JAKMIP1: variants seen among roughly 807,000 people sequenced by gnomAD.
The protein encoded by JAKMIP1 is janus kinase and microtubule-interacting protein 1.
In JAKMIP1, 33 loss-of-function variants were observed where a neutral mutation model predicts 113.0. That is an observed-to-expected ratio of 0.29 (90% confidence interval 0.22 to 0.39). The LOEUF is 0.39. Among genes scored for constraint, JAKMIP1 ranks in the 10% least tolerant of loss-of-function variants. JAKMIP1 has a pLI of 1.00. For missense variants in JAKMIP1, 813 were observed against 1,080.5 expected (o/e 0.75, Z 3.47); for synonymous variants, 480 against 459.9 (o/e 1.04, Z -0.56).
rs1297834584 is a variant in JAKMIP1, at chr4:6,036,862, T to C, written c.2176-755A>G. 5.3e-5 allele frequency among the ~76,000 whole-genome samples: 8 copies of C among 152,218 alleles called. No homozygotes were observed. The East Asian group carries it at 1.3e-3, about 26-fold the overall frequency. On this transcript the variant is annotated intron_variant, in intron 18 of 20. Transcript: ENST00000409021. ...TCTCCCAAAGAAACTACAGGTGGTA[T>C]AGAGAAACCATGAGTTTCAATAGAA...
chr4:6,052,201 A>G (rs973105243), intron 13 of JAKMIP1, among the ~76,000 whole-genome samples: 1 of 137,518 alleles, frequency 7.3e-6, no homozygotes, highest in Non-Finnish European at 1.5e-5. Flanking sequence ...CTTATTAGCC[A>G]AAATTTAAAA....
chr4:6,099,350 T>C (rs1712617734), intron 3 of JAKMIP1, among the ~76,000 whole-genome samples: 1 of 152,242 alleles, frequency 6.6e-6, no homozygotes, highest in South Asian at 2.1e-4. Context: ...TCTCATTTTA[T>C]TTCCCCATTT....
rs1553821445 is a variant in JAKMIP1, at chr4:6,081,014, C to CA, written c.1101+594_1101+595insT. Among the ~76,000 whole-genome samples the CA allele has an allele frequency of 3.9e-3, 595 of 151,348 alleles. 6 individuals are homozygous for CA. The highest frequency in any genetic ancestry group is 0.014 in the African/African-American group (581 of 41,266). ...ACACACACACACACACACACACACA[C>CA]CTGCATCTGCTACAGTGCAGACAGC... On this transcript the variant is annotated intron_variant, in intron 6 of 20. Coordinates refer to ENST00000409021, the MANE Select transcript of JAKMIP1 (RefSeq NM_001099433.2). The surrounding 1 kb of genome is among the most constrained non-coding windows in gnomAD (Gnocchi z 4.6).
intron 2 of JAKMIP1, among the ~76,000 whole-genome samples, chr4:6,109,931 C>G (rs1033658816): frequency 2.6e-5 from 4 of 152,082 alleles, no homozygotes; most frequent in African/African-American, 9.7e-5. Context: ...CAACCTGAAG[C>G]GGCCACATGG....
In JAKMIP1 at chr4:6,090,106, C is replaced by A. The variant is rs145537153; in HGVS notation, c.625-4477G>T. Among the ~76,000 whole-genome samples the A allele has an allele frequency of 8.0e-3, 1,211 of 152,118 alleles. 14 individuals are homozygous for A. The highest frequency in any genetic ancestry group is 0.028 in the African/African-American group (1,165 of 41,486). On this transcript the variant is annotated intron_variant, in intron 3 of 20. Coordinates refer to ENST00000409021, the MANE Select transcript of JAKMIP1 (RefSeq NM_001099433.2). ...GTGAGGTGGTGCATGCCTGTAATCC[C>A]AGCTATTAGGGAGGCTGAGGCAGGA... is the stretch of plus-strand genomic sequence containing the variant.
At chr4:6,148,525 C>T (rs746612609) in intron 1 of JAKMIP1, among the ~76,000 whole-genome samples, 5 of 152,254 alleles carry the variant, frequency 3.3e-5, no homozygotes, top group African/African-American at 9.6e-5. Flanking sequence ...CTGCGCCGGG[C>T]GCATCCTCCT....
Position 6,112,843 on chromosome 4 carries a change from T to C in JAKMIP1, c.8A>G (p.Lys3Arg). The C allele has an allele frequency of 6.2e-7, 1 of 1,613,824 alleles. No individual in the cohort carries two copies. Among genetic ancestry groups the C allele is most frequent in the East Asian group, 2.2e-5 (1 of 44,872 alleles). Residue 3 changes from lysine to arginine, a missense_variant, in exon 2 of 21, where the codon AAG (lysine) becomes AGG (arginine). Transcript: ENST00000409021. MS[K>R]KGRSKGEKPE... ...CTTCTCGCCCTTGCTCCGGCCTTTC[T>C]TCGACATGCTTCCCCTTGGGTCAGA...
At chr4:6,159,289 TA>T (rs35263959) in intron 1 of JAKMIP1, among the ~76,000 whole-genome samples, 21 of 149,632 alleles carry the variant, frequency 1.4e-4, no homozygotes, top group African/African-American at 3.9e-4. Context: ...ACAAATCTGC[TA>T]AAAAAAAAAT....
intron 8 of JAKMIP1, among the ~76,000 whole-genome samples, chr4:6,066,161 C>A (rs1436043274): frequency 2.0e-5 from 3 of 152,176 alleles, no homozygotes; most frequent in African/African-American, 4.8e-5. Flanking sequence ...CCCCAACCCA[C>A]AGAGAAAACC....
At position 6,159,088 on chromosome 4, in the gene JAKMIP1, CAA is replaced by C. The variant is rs111279741; in HGVS notation, c.-148+41163_-148+41164del. Among the ~76,000 whole-genome samples the C allele has an allele frequency of 6.0e-3, 862 of 143,594 alleles. 9 individuals are homozygous for C. Among genetic ancestry groups the C allele is most frequent in the African/African-American group, 0.02 (798 of 39,302 alleles). The allele number at this position is 143,594 out of a possible 152,430, so 94.2% of individuals were successfully genotyped here. On this transcript the variant is annotated intron_variant, in intron 1 of 20. Coordinates refer to ENST00000409021, the MANE Select transcript of JAKMIP1 (RefSeq NM_001099433.2). ...TGGGTGACAGAGCAAGATCCTGTCTCAAAAAAAAAAAAAATTAATAAAAAACC... is the reference window on the plus strand; with the variant it reads ...TGGGTGACAGAGCAAGATCCTGTCTCAAAAAAAAAAAATTAATAAAAAACC...
chr4:6,158,189 T>G lies in JAKMIP1; in HGVS notation c.-148+42064A>C, dbSNP rs553385443. ...TCACAGTGTGGAGGGCAGACCATGC[T>G]GTAGGTCATGCAGTGCACGCTCCAT... On this transcript the variant is annotated intron_variant, in intron 1 of 20. Transcript: ENST00000409021. This position sits in a 1 kb window ranked among gnomAD's most constrained non-coding sequence, Gnocchi z 5.3. 6.1e-5 allele frequency among the ~76,000 whole-genome samples: 9 copies of G among 148,654 alleles called. 1 individual carries two copies. In the South Asian group the frequency reaches 1.9e-3, roughly 31 times the overall value.
intron 1 of JAKMIP1, among the ~76,000 whole-genome samples, chr4:6,121,069 G>A (rs546603220): frequency 3.3e-5 from 5 of 152,102 alleles, no homozygotes; most frequent in Admixed American, 2.6e-4. Flanking sequence ...GCAAGGTGGT[G>A]CGCACCTATA....
At chr4:6,048,237 A>T (rs575898670) in intron 16 of JAKMIP1, among the ~76,000 whole-genome samples, 5 of 152,364 alleles carry the variant, frequency 3.3e-5, no homozygotes, top group Admixed American at 6.5e-5. Context: ...GTAGGAGGGT[A>T]TCTGGTGCCG....
In JAKMIP1 at chr4:6,049,037, GTTTGT is replaced by G; in HGVS notation, c.1963-120_1963-116del. The G allele has an allele frequency of 1.3e-6, 1 of 784,678 alleles. No individual in the cohort carries two copies. The highest frequency in any genetic ancestry group is 1.5e-5 in the South Asian group (1 of 64,546). 48.6% of individuals were successfully genotyped at this position (784,678 alleles called of 1,614,324 possible). ...TGTTGTTGTTTGTTTTATTATGTTT[GTTTGT>G]TTTGAGACGGAGTCTCTCTCTGTCA... On this transcript the variant is annotated intron_variant, in intron 15 of 20. Transcript: ENST00000409021. The surrounding 1 kb of genome is among the most constrained non-coding windows in gnomAD (Gnocchi z 7.0).
In JAKMIP1 at chr4:6,042,917, G is replaced by T. The variant is rs1415713223; in HGVS notation, c.2029-690C>A. On this transcript the variant is annotated intron_variant, in intron 16 of 20. Coordinates refer to ENST00000409021, the MANE Select transcript of JAKMIP1 (RefSeq NM_001099433.2). This position sits in a 1 kb window ranked among gnomAD's most constrained non-coding sequence, Gnocchi z 5.2. ...GGGTGAACAGGCGGGGCGTGCACCT[G>T]AGCGGCAGGTAAGGGAGTGGGAGCT... 1.3e-5 allele frequency among the ~76,000 whole-genome samples: 2 copies of T among 152,070 alleles called. No homozygotes were observed. The highest frequency in any genetic ancestry group is 2.9e-5 in the Non-Finnish European group (2 of 68,010).
Position 6,059,603 on chromosome 4 carries a change from T to C in JAKMIP1, c.1644+821A>G, listed in dbSNP as rs552822987. 6.6e-6 allele frequency among the ~76,000 whole-genome samples: 1 copy of C among 152,096 alleles called. No homozygotes were observed. The highest frequency in any genetic ancestry group is 2.4e-5 in the African/African-American group (1 of 41,504). ...AGTGGGGCCACGTGACTGATGAATT[T>C]TGCTGAGGCAGCAAACAGCCAAGCA... On this transcript the variant is annotated intron_variant, in intron 11 of 20. Coordinates refer to ENST00000409021, the MANE Select transcript of JAKMIP1 (RefSeq NM_001099433.2). This position sits in a 1 kb window ranked among gnomAD's most constrained non-coding sequence, Gnocchi z 4.8.
In JAKMIP1 at chr4:6,085,427, C is replaced by A; in HGVS notation, c.827G>T (p.Gly276Val). ...CAAGCTGCTGCCCCTCACCTGGACGCCCATGAGCTCCACCATGTCCCCGAT... is the reference window on the plus strand; with the variant it reads ...CAAGCTGCTGCCCCTCACCTGGACGACCATGAGCTCCACCATGTCCCCGAT... ...PGIGDMVELMGVQDQHMDERD... is the reference protein window; with the variant it reads ...PGIGDMVELMVVQDQHMDERD... The change falls in exon 4 of 21, where the codon GGC becomes GTC. Residue 276 changes from glycine (G) to valine (V), a missense_variant. Physicochemically the swap from Gly to Val is moderately radical, Grantham distance 109. Transcript: ENST00000409021. The A allele has an allele frequency of 6.2e-7, 1 of 1,612,862 alleles. No individual in the cohort carries two copies. Among genetic ancestry groups the A allele is most frequent in the Non-Finnish European group, 8.5e-7 (1 of 1,179,896 alleles).
chr4:6,026,316 A>G (rs1711791648), intron 20 of JAKMIP1, 38 bp from the exon 21 acceptor site: 1 of 1,040,220 alleles, frequency 9.6e-7, no homozygotes. Context: ...GGAAAAGAGA[A>G]GAAAAAGAAA....
At chr4:6,196,892 G>C (rs978498011) in intron 1 of JAKMIP1, among the ~76,000 whole-genome samples, 4 of 151,778 alleles carry the variant, frequency 2.6e-5, no homozygotes, top group Non-Finnish European at 1.5e-5. Flanking sequence ...CACCAAGAAG[G>C]CTTTCTGATT....
Sources: allele counts gnomAD v4.1 joint callset (sites outside exome capture counted in the v4.1 genomes callset), GRCh38; gene constraint gnomAD v4.1.1; non-coding constraint Gnocchi (gnomAD v3.1); transcripts MANE v1.5; gene names NCBI Gene and HGNC (gene_info 2026-07-23, HGNC 2026-07-21).